The following ITGA11 variants were observed in gnomAD, a reference collection of about 807,000 sequenced individuals.
ITGA11 encodes integrin subunit alpha 11.
In ITGA11, 97 loss-of-function variants were observed where a neutral mutation model predicts 141.9. The ratio of observed to expected loss-of-function variants is 0.68; its 90% CI spans 0.58 to 0.81. The LOEUF (loss-of-function observed/expected upper bound fraction) is 0.81, where lower values mean the gene tolerates loss of function less well. Ranked by LOEUF, ITGA11 falls within the 30% of genes least tolerant of loss-of-function variation. The pLI is 0.00. For synonymous variants in ITGA11, 658 were observed against 624.6 expected, an observed-to-expected ratio of 1.05 and a Z score of -0.80; for missense variants, 1,387 against 1,559.2, an observed-to-expected ratio of 0.89 and a Z score of 1.86.
chr15:68,326,622 C>T lies in ITGA11; in HGVS notation c.2211+32G>A, dbSNP rs747300416. The T allele has an allele frequency of 6.4e-7, 1 of 1,564,786 alleles. No individual in the cohort carries two copies. The highest frequency in any genetic ancestry group is 8.7e-7 in the Non-Finnish European group (1 of 1,154,304). ...CGGCAGATGCTCCTTCCTATAGGAG[C>T]TTGGGCTCTGCTGGTGGGGCTGCCA... On this transcript the variant is annotated intron_variant, in intron 17 of 29. Transcript: ENST00000315757. This position sits in a 1 kb window ranked among gnomAD's most constrained non-coding sequence, Gnocchi z 6.8.
At position 68,335,325 on chromosome 15, in the gene ITGA11, G is replaced by C. The variant is rs1894313147; in HGVS notation, c.1425+372C>G. ...CTGTGCTGGAAGTGACTTGGGATTG[G>C]AGCCCTGTTTTCACCACCAATGACT... On this transcript the variant is annotated intron_variant, in intron 12 of 29. Transcript: ENST00000315757. This position sits in a 1 kb window ranked among gnomAD's most constrained non-coding sequence, Gnocchi z 4.9. 1.3e-5 allele frequency among the ~76,000 whole-genome samples: 2 copies of C among 152,134 alleles called. No individual in the cohort carries two copies. The highest frequency in any genetic ancestry group is 6.5e-5 in the Admixed American group (1 of 15,284).
In ITGA11 at chr15:68,326,578, A is replaced by C. The variant is rs1460975756; in HGVS notation, c.2211+76T>G. 9 of 1,468,762 alleles carry C rather than the reference A, an allele frequency of 6.1e-6. No individual in the cohort carries two copies. The highest frequency in any genetic ancestry group is 7.3e-6 in the Non-Finnish European group (8 of 1,095,562). 91.0% of individuals were successfully genotyped at this position (1,468,762 alleles called of 1,614,324 possible). ...GCTGGGGGCTTAGAACCAGCCAGGCAGACTCTCTGCCTCTCCCACGGCAGA... is the reference window on the plus strand; with the variant it reads ...GCTGGGGGCTTAGAACCAGCCAGGCCGACTCTCTGCCTCTCCCACGGCAGA... On this transcript the variant is annotated intron_variant, in intron 17 of 29. Transcript: ENST00000315757. The surrounding 1 kb of genome is among the most constrained non-coding windows in gnomAD (Gnocchi z 6.8).
chr15:68,339,538 T>C lies in ITGA11; in HGVS notation c.1238A>G (p.Glu413Gly). The C allele has an allele frequency of 1.2e-6, 2 of 1,613,944 alleles. No homozygotes were observed. The highest frequency in any genetic ancestry group is 1.7e-6 in the Non-Finnish European group (2 of 1,179,860). Residue 413 changes from glutamate to glycine, a missense_variant, in exon 11 of 30, where the codon GAG (glutamate) becomes GGG (glycine). Glu to Gly is a moderately conservative substitution (Grantham distance 98). Coordinates refer to ENST00000315757, the MANE Select transcript of ITGA11 (RefSeq NM_001004439.2). ...VIPLRESYLK[E>G]FPEELKNHGA... Reference sequence around the variant, plus strand: ...ATGGTTCTTGAGCTCCTCGGGGAACTCTTTCAGGTAGGACTCGCGGAGAGG... The same window carrying C: ...ATGGTTCTTGAGCTCCTCGGGGAACCCTTTCAGGTAGGACTCGCGGAGAGG...
intron 10 of ITGA11, among the ~76,000 whole-genome samples, chr15:68,340,307 G>A (rs534670514): frequency 7.9e-5 from 12 of 152,166 alleles, no homozygotes; most frequent in African/African-American, 2.9e-4. Flanking sequence ...AGATTGAGAT[G>A]GGGGTCAGGA....
intron 10 of ITGA11, among the ~76,000 whole-genome samples, chr15:68,347,993 C>T (rs1158026308): frequency 1.3e-5 from 2 of 152,286 alleles, no homozygotes; most frequent in Admixed American, 6.5e-5. Flanking sequence ...AGCACACCCA[C>T]AGGAGCACGT....
chr15:68,405,342 A>AT (rs34360809), intron 1 of ITGA11, among the ~76,000 whole-genome samples: 30,682 of 151,798 alleles, frequency 0.2, 3,549 homozygotes, highest in East Asian at 0.42. Flanking sequence ...GTTAGGAAAG[A>AT]TTTTGAGGTC....
intron 2 of ITGA11, among the ~76,000 whole-genome samples, chr15:68,387,079 G>T (rs1487972604): frequency 6.6e-6 from 1 of 152,210 alleles, no homozygotes; most frequent in Middle Eastern, 3.4e-3. Flanking sequence ...GAAAAGATGA[G>T]AAAGTAAGGT....
intron 2 of ITGA11, among the ~76,000 whole-genome samples, chr15:68,382,722 A>C (rs962398305): frequency 2.0e-5 from 3 of 151,068 alleles, no homozygotes; most frequent in Non-Finnish European, 4.4e-5. Flanking sequence ...TCCAGTTTCC[A>C]TTTTTCTTGA....
Position 68,326,741 on chromosome 15 carries a change from C to A in ITGA11, c.2124G>T (p.Leu708=). 1 of 1,582,648 alleles carries A rather than the reference C, an allele frequency of 6.3e-7. No homozygotes were observed. ...DERRYTPRAH[L]DEGGDRFTNR... is the part of the protein sequence containing the mutation. ...TGGTGAATCGGTCCCCGCCCTCGTC[C>A]AGGTGGGCCCTCGGTGTATACCGCC... Residue 708 remains leucine (L), a synonymous_variant, in exon 17 of 30, where the codon CTG becomes CTT. Transcript: ENST00000315757. The surrounding 1 kb of genome is among the most constrained non-coding windows in gnomAD (Gnocchi z 6.8).
chr15:68,334,396 G>A (rs940861209), intron 12 of ITGA11, among the ~76,000 whole-genome samples: 2 of 152,216 alleles, frequency 1.3e-5, no homozygotes, highest in Admixed American at 1.3e-4. Flanking sequence ...CAGAAGGCCG[G>A]TCACCTGGTC....
rs57715074 is a variant in ITGA11, at chr15:68,300,720, AG to A, written c.*2338del. On this transcript the variant is annotated 3_prime_UTR_variant, in exon 30 of 30. Transcript: ENST00000315757. ...GGTGTAGGTCTGGGGAAGGGTGTGAAGGACTGTGGAGTTCTGGAATAAGGGC... is the reference window on the plus strand; with the variant it reads ...GGTGTAGGTCTGGGGAAGGGTGTGAAGACTGTGGAGTTCTGGAATAAGGGC... 1 of 149,682 alleles carries A rather than the reference AG, an allele frequency of 6.7e-6. No individual in the cohort carries two copies. 9.3% of individuals were successfully genotyped at this position (149,682 alleles called of 1,614,324 possible).
intron 2 of ITGA11, among the ~76,000 whole-genome samples, chr15:68,380,245 C>G (rs1895825963): frequency 6.6e-6 from 1 of 152,120 alleles, no homozygotes; most frequent in East Asian, 1.9e-4. Flanking sequence ...GGTGAAAGGA[C>G]AGATACTCTT....
rs753380479 is a variant in ITGA11 at position 68,357,131 on chromosome 15, T to G, written c.749+20A>C. ...CATCTGAGATCTAAAAAAATTTTTTTTGTTCTACTTTTTTTTTACCGTGCA... is the reference window on the plus strand; with the variant it reads ...CATCTGAGATCTAAAAAAATTTTTTGTGTTCTACTTTTTTTTTACCGTGCA... On this transcript the variant is annotated intron_variant, in intron 7 of 29. Transcript: ENST00000315757. The G allele has an allele frequency of 6.2e-7, 1 of 1,603,916 alleles. No individual in the cohort carries two copies. Among genetic ancestry groups the G allele is most frequent in the African/African-American group, 1.4e-5 (1 of 74,036 alleles).
chr15:68,402,096 G>C (rs1896526923), intron 2 of ITGA11, among the ~76,000 whole-genome samples: 1 of 152,014 alleles, frequency 6.6e-6, no homozygotes, highest in Non-Finnish European at 1.5e-5. Context: ...AGGGGCCAGA[G>C]TGGGAAGAGG....
chr15:68,306,402 T>C (rs568266098), intron 28 of ITGA11, among the ~76,000 whole-genome samples: 61 of 152,122 alleles, frequency 4.0e-4, no homozygotes, highest in African/African-American at 1.4e-3. Context: ...GCTGGGAACA[T>C]TGCAGCATCT....
chr15:68,367,983 G>A (rs2140358771), intron 3 of ITGA11, among the ~76,000 whole-genome samples: 1 of 152,288 alleles, frequency 6.6e-6, no homozygotes, highest in South Asian at 2.1e-4. Flanking sequence ...TGAAGTTTGG[G>A]CCCCGGCTAT....
At chr15:68,407,131 T>G (rs1411090830) in intron 1 of ITGA11, among the ~76,000 whole-genome samples, 1 of 152,022 alleles carries the variant, frequency 6.6e-6, no homozygotes, top group Non-Finnish European at 1.5e-5. Flanking sequence ...CCTCTGCCTT[T>G]GGGTTCCAGC....
At chr15:68,424,416 A>G (rs558659239) in intron 1 of ITGA11, among the ~76,000 whole-genome samples, 2 of 152,190 alleles carry the variant, frequency 1.3e-5, no homozygotes, top group South Asian at 4.1e-4. Context: ...CTGGGTTTAC[A>G]TTATACCAGT....
At chr15:68,334,654 G>A (rs547793019) in intron 12 of ITGA11, among the ~76,000 whole-genome samples, 1 of 152,104 alleles carries the variant, frequency 6.6e-6, no homozygotes, top group Admixed American at 6.5e-5. Flanking sequence ...GAGGGAGGGG[G>A]CGGGAGAAAT....
Sources: gnomAD v4.1 joint callset for allele counts (sites outside exome capture counted in the v4.1 genomes callset) on GRCh38, gnomAD v4.1.1 for gene constraint, Gnocchi (gnomAD v3.1) non-coding constraint, MANE v1.5 for transcripts, NCBI Gene and HGNC (gene_info 2026-07-23, HGNC 2026-07-21) for gene names.